The following OPCML variants were observed in gnomAD, a reference collection of about 807,000 sequenced individuals.
The protein encoded by OPCML is opioid-binding protein/cell adhesion molecule.
Under a neutral mutation model 37.8 loss-of-function variants are expected in OPCML, and 13 were observed. That is an observed-to-expected ratio of 0.34 (90% CI 0.22 to 0.55). OPCML has a LOEUF of 0.55. OPCML is among the 20% of genes least tolerant of loss of function. The pLI is 0.91. For missense variants in OPCML, 341 were observed against 435.6 expected, an observed-to-expected ratio of 0.78 and a Z score of 1.93; for synonymous variants, 176 against 168.8, an observed-to-expected ratio of 1.04 and a Z score of -0.33.
chr11:132,916,579 A>T (rs80051089), intron 2 of OPCML, among the ~76,000 whole-genome samples: 1 of 152,340 alleles, frequency 6.6e-6, no homozygotes, highest in African/African-American at 2.4e-5. Context: ...AAGATGCACC[A>T]TGAGGATATG....
chr11:132,589,228 C>T (rs538893334), intron 3 of OPCML, among the ~76,000 whole-genome samples: 52 of 152,162 alleles, frequency 3.4e-4, no homozygotes, highest in Non-Finnish European at 6.3e-4. Flanking sequence ...TACCAAAACT[C>T]CCAACTTCCT....
intron 2 of OPCML, among the ~76,000 whole-genome samples, chr11:132,693,974 T>C (rs1057453995): frequency 6.6e-6 from 1 of 152,052 alleles, no homozygotes; most frequent in East Asian, 1.9e-4. Context: ...GACCTATTTT[T>C]CTAGTTTATT....
chr11:132,907,298 T>C (rs758756022), intron 2 of OPCML, among the ~76,000 whole-genome samples: 1 of 152,138 alleles, frequency 6.6e-6, no homozygotes, highest in Non-Finnish European at 1.5e-5. Flanking sequence ...TGCATTTCCT[T>C]ATGCTGTTAC....
chr11:132,849,844 G>T (rs995893340), intron 2 of OPCML, among the ~76,000 whole-genome samples: 1 of 152,186 alleles, frequency 6.6e-6, no homozygotes, highest in Admixed American at 6.5e-5. Flanking sequence ...CACCGGGCAG[G>T]CATTGTGCCA....
At chr11:133,059,640 C>A (rs1284804835) in intron 1 of OPCML, among the ~76,000 whole-genome samples, 3 of 152,154 alleles carry the variant, frequency 2.0e-5, no homozygotes, top group Non-Finnish European at 2.9e-5. Flanking sequence ...TAAAACTTTG[C>A]CTGGTGAGAT....
intron 4 of OPCML, among the ~76,000 whole-genome samples, chr11:132,477,281 C>G (rs1051000997): frequency 6.6e-6 from 1 of 152,198 alleles, no homozygotes; most frequent in Non-Finnish European, 1.5e-5. Flanking sequence ...CCCCAGTTAG[C>G]CTGTGCTGCA....
At chr11:133,458,803 GTATA>G (rs1221022507) in intron 1 of OPCML, among the ~76,000 whole-genome samples, 11 of 147,366 alleles carry the variant, frequency 7.5e-5, no homozygotes, top group South Asian at 4.2e-4. Flanking sequence ...ACGTGTGTGT[GTATA>G]TACACATAGA....
At chr11:133,396,022 A>G (rs139700955) in intron 1 of OPCML, among the ~76,000 whole-genome samples, 223 of 152,302 alleles carry the variant, frequency 1.5e-3, no homozygotes, top group African/African-American at 5.1e-3. Flanking sequence ...TGAACATGGA[A>G]TATGCTTCCA....
chr11:132,479,223 G>A (rs547041162), intron 4 of OPCML, among the ~76,000 whole-genome samples: 3 of 152,178 alleles, frequency 2.0e-5, no homozygotes, highest in Non-Finnish European at 4.4e-5. Context: ...AAGTGCAAGG[G>A]GTCAGGGAGT....
chr11:132,717,445 T>A (rs1359732353), intron 2 of OPCML, among the ~76,000 whole-genome samples: 1 of 152,048 alleles, frequency 6.6e-6, no homozygotes, highest in Non-Finnish European at 1.5e-5. Flanking sequence ...AAAAACAAGA[T>A]ACGAAATAGT....
intron 1 of OPCML, among the ~76,000 whole-genome samples, chr11:133,488,878 T>G (rs549764770): frequency 6.6e-6 from 1 of 150,882 alleles, no homozygotes; most frequent in Non-Finnish European, 1.5e-5. Flanking sequence ...AATACACACA[T>G]AGATCAATGG....
chr11:133,292,312 T>C (rs2136541629), intron 1 of OPCML, among the ~76,000 whole-genome samples: 1 of 152,276 alleles, frequency 6.6e-6, no homozygotes, highest in South Asian at 2.1e-4. Flanking sequence ...CAATATTGCT[T>C]TTTTCATAGT....
intron 4 of OPCML, among the ~76,000 whole-genome samples, chr11:132,528,480 G>A (rs2096314677): frequency 6.6e-6 from 1 of 152,136 alleles, no homozygotes; most frequent in Non-Finnish European, 1.5e-5. Flanking sequence ...TGGTTCCCTT[G>A]CTATTAAGTT....
chr11:133,425,435 T>TA (rs1945982820), intron 1 of OPCML, among the ~76,000 whole-genome samples: 1 of 152,224 alleles, frequency 6.6e-6, no homozygotes. Flanking sequence ...TGTTGAGCTC[T>TA]TCTGTGACCC....
chr11:132,652,385 C>CACACACACACACACACAG (rs3222177), intron 3 of OPCML, among the ~76,000 whole-genome samples: 3 of 126,946 alleles, frequency 2.4e-5, no homozygotes, highest in African/African-American at 1.1e-4. Flanking sequence ...CACACACACA[C>CACACACACACACACACAG]AGAGAGAGAA....
intron 2 of OPCML, among the ~76,000 whole-genome samples, chr11:132,812,669 A>G (rs534015797): frequency 4.6e-5 from 7 of 152,336 alleles, no homozygotes; most frequent in Middle Eastern, 3.4e-3. Context: ...TTCTACTTCC[A>G]GCTACATTTA....
intron 1 of OPCML, among the ~76,000 whole-genome samples, chr11:133,409,498 G>A (rs567472984): frequency 1.2e-4 from 18 of 152,330 alleles, no homozygotes; most frequent in Admixed American, 1.0e-3. Context: ...ATCGACAAAT[G>A]TTCTTTTACA....
intron 1 of OPCML, among the ~76,000 whole-genome samples, chr11:133,100,678 G>A (rs1949072506): frequency 6.6e-6 from 1 of 151,886 alleles, no homozygotes; most frequent in African/African-American, 2.4e-5. Flanking sequence ...ACAGTAAACT[G>A]ATCCATGACA....
At chr11:133,285,440 G>A (rs1490033893) in intron 1 of OPCML, among the ~76,000 whole-genome samples, 2 of 152,180 alleles carry the variant, frequency 1.3e-5, no homozygotes, top group African/African-American at 4.8e-5. Context: ...AGACCCGTAC[G>A]TGGGGAATCT....
Sources: gnomAD v4.1 joint callset for allele counts (sites outside exome capture counted in the v4.1 genomes callset) on GRCh38, gnomAD v4.1.1 for gene constraint, MANE v1.5 for transcripts, NCBI Gene and HGNC (gene_info 2026-07-23, HGNC 2026-07-21) for gene names.